The following CARMIL1 variants were observed in gnomAD, a reference collection of about 807,000 sequenced individuals.
CARMIL1 encodes the protein capping protein regulator and myosin 1 linker 1.
A neutral mutation model predicts 177.1 loss-of-function variants in CARMIL1; 90 were observed. That is an observed-to-expected ratio of 0.51 (90% CI 0.43 to 0.61). The LOEUF (loss-of-function observed/expected upper bound fraction) is 0.61. Among genes scored for constraint, CARMIL1 ranks in the 20% least tolerant of loss-of-function variants. The probability of loss-of-function intolerance (pLI) is 0.00; values close to 1 mark genes in which losing one functional copy is unlikely to be tolerated. For synonymous variants in CARMIL1, 577 were observed against 606.2 expected (o/e 0.95, Z 0.71); for missense variants, 1,380 against 1,667.0 (o/e 0.83, Z 3.00).
chr6:25,506,560 AAAAG>A (rs1804937205), intron 17 of CARMIL1, among the ~76,000 whole-genome samples: 2 of 145,852 alleles, frequency 1.4e-5, no homozygotes, highest in South Asian at 4.4e-4. Flanking sequence ...AAACAAACAA[AAAAG>A]AAAGAAAACA....
chr6:25,342,466 T>C (rs991187772), intron 2 of CARMIL1, among the ~76,000 whole-genome samples: 1 of 152,160 alleles, frequency 6.6e-6, no homozygotes, highest in Non-Finnish European at 1.5e-5. Flanking sequence ...GATTTTGGGA[T>C]AGGCCTACCT....
intron 2 of CARMIL1, among the ~76,000 whole-genome samples, chr6:25,310,188 T>G (rs1783680384): frequency 6.6e-6 from 1 of 152,160 alleles, no homozygotes; most frequent in Non-Finnish European, 1.5e-5. Context: ...TGTGCTCAAG[T>G]CTCTGATCCC....
chr6:25,303,218 C>T (rs1783008910), intron 2 of CARMIL1, among the ~76,000 whole-genome samples: 1 of 151,868 alleles, frequency 6.6e-6, no homozygotes, highest in African/African-American at 2.4e-5. Flanking sequence ...CCATTTCTTC[C>T]ATGTGATAAA....
chr6:25,417,829 A>C (rs1795495979), intron 2 of CARMIL1, among the ~76,000 whole-genome samples: 1 of 152,234 alleles, frequency 6.6e-6, no homozygotes, highest in Non-Finnish European at 1.5e-5. Context: ...CAATTTACTC[A>C]TTTGAAAAAT....
chr6:25,488,533 C>T lies in CARMIL1; in HGVS notation c.1013C>T (p.Thr338Ile). ...SLSANPLTASTLVHLDLSGNV... is the reference protein window; with the variant it reads ...SLSANPLTASILVHLDLSGNV... The stretch of plus-strand genomic sequence containing the variant: ...AGTGCCAATCCATTGACCGCCTCTA[C>T]CCTTGTCCACCTCGACCTCTCAGGG... Residue 338 changes from threonine (T) to isoleucine (I), a missense_variant, in exon 13 of 37, where the codon ACC becomes ATC. Transcript: ENST00000329474. 6.2e-7 allele frequency: 1 copy of T among 1,614,002 alleles called. No individual in the cohort carries two copies. The highest frequency in any genetic ancestry group is 8.5e-7 in the Non-Finnish European group (1 of 1,179,872).
chr6:25,372,340 G>A (rs1278214615), intron 2 of CARMIL1, among the ~76,000 whole-genome samples: 2 of 151,970 alleles, frequency 1.3e-5, no homozygotes, highest in African/African-American at 2.4e-5. Flanking sequence ...TGGGTAGTAT[G>A]GCCATTTTCA....
intron 35 of CARMIL1, among the ~76,000 whole-genome samples, chr6:25,609,062 A>G (rs529151918): frequency 4.6e-5 from 7 of 152,298 alleles, no homozygotes; most frequent in Non-Finnish European, 5.9e-5. Flanking sequence ...GTTGGGCTGC[A>G]TTCAAATCCA....
Position 25,280,999 on chromosome 6 carries a change from G to C in CARMIL1, c.40+1164G>C, listed in dbSNP as rs370910677. ...TCCGTTGGTGACTGTTAACTCAGCAGGTAAAACTTGATGTAGAGAGGCTGT... is the reference window on the plus strand; with the variant it reads ...TCCGTTGGTGACTGTTAACTCAGCACGTAAAACTTGATGTAGAGAGGCTGT... On this transcript the variant is annotated intron_variant, in intron 1 of 36. Coordinates refer to ENST00000329474, the MANE Select transcript of CARMIL1 (RefSeq NM_017640.6). 1.2e-3 allele frequency among the ~76,000 whole-genome samples: 185 copies of C among 152,188 alleles called. 1 individual carries two copies. The highest frequency in any genetic ancestry group is 0.01 in the Middle Eastern group (3 of 294).
chr6:25,481,466 A>G (rs1013373407), intron 11 of CARMIL1, among the ~76,000 whole-genome samples: 1 of 152,230 alleles, frequency 6.6e-6, no homozygotes, highest in African/African-American at 2.4e-5. Flanking sequence ...GTCTAAGGGA[A>G]CAGGAATTAA....
intron 11 of CARMIL1, among the ~76,000 whole-genome samples, chr6:25,480,263 A>G (rs957525144): frequency 1.3e-5 from 2 of 152,104 alleles, no homozygotes; most frequent in Non-Finnish European, 2.9e-5. Context: ...AGTGTGTTAG[A>G]AAACTTCCAT....
intron 2 of CARMIL1, among the ~76,000 whole-genome samples, chr6:25,393,108 G>T (rs1356522609): frequency 1.3e-5 from 2 of 151,814 alleles, no homozygotes; most frequent in Non-Finnish European, 2.9e-5. Flanking sequence ...ACTCTGTTCA[G>T]ATCTCCACAA....
chr6:25,356,762 T>C (rs1052467758), intron 2 of CARMIL1, among the ~76,000 whole-genome samples: 3 of 152,018 alleles, frequency 2.0e-5, no homozygotes, highest in South Asian at 2.1e-4. Flanking sequence ...GCTGCTAGAG[T>C]CTTGTATGGT....
intron 4 of CARMIL1, among the ~76,000 whole-genome samples, chr6:25,432,593 T>C (rs1796890368): frequency 6.6e-6 from 1 of 152,250 alleles, no homozygotes; most frequent in East Asian, 1.9e-4. Flanking sequence ...TTATACAGTT[T>C]TATAGTTATA....
Position 25,308,312 on chromosome 6 carries a change from G to C in CARMIL1, c.138+23403G>C, listed in dbSNP as rs189471321. 4.3e-3 allele frequency among the ~76,000 whole-genome samples: 646 copies of C among 151,782 alleles called. 4 individuals are homozygous for C. The highest frequency in any genetic ancestry group is 0.014 in the African/African-American group (594 of 41,374). On this transcript the variant is annotated intron_variant, in intron 2 of 36. Transcript: ENST00000329474. ...TCCAACAACACCCCTTTGTCACTGT[G>C]CCTGAGAAAGCTCTTATTAATAGAA...
chr6:25,476,313 C>T (rs1055897237), intron 11 of CARMIL1, among the ~76,000 whole-genome samples: 1 of 152,176 alleles, frequency 6.6e-6, no homozygotes, highest in Non-Finnish European at 1.5e-5. Context: ...CAAGGATAGC[C>T]TTGAATGCTC....
chr6:25,293,188 A>G (rs1315952485), intron 2 of CARMIL1, among the ~76,000 whole-genome samples: 2 of 144,866 alleles, frequency 1.4e-5, no homozygotes, highest in Admixed American at 7.0e-5. Flanking sequence ...TGTTTTATTT[A>G]TTTTTTTCCC....
chr6:25,594,683 G>A (rs1353899452), intron 32 of CARMIL1, among the ~76,000 whole-genome samples, 156 bp downstream of exon 32: 5 of 152,142 alleles, frequency 3.3e-5, no homozygotes, highest in African/African-American at 7.2e-5. Flanking sequence ...CAATACCAGT[G>A]TCAACTGGGA....
At chr6:25,392,054 ATGTGTGTGTGTGTGTGTGTGTGTGTGTG>A (rs36076582) in intron 2 of CARMIL1, among the ~76,000 whole-genome samples, 19 of 139,360 alleles carry the variant, frequency 1.4e-4, no homozygotes, top group Non-Finnish European at 2.5e-4. Flanking sequence ...GTGTATATGC[ATGTGTGTGTGTGTGTGTGTGTGTGTGTG>A]TGTGTGTGTG....
At chr6:25,309,753 G>T (rs1398426272) in intron 2 of CARMIL1, among the ~76,000 whole-genome samples, 2 of 144,968 alleles carry the variant, frequency 1.4e-5, no homozygotes, top group African/African-American at 5.2e-5. Flanking sequence ...TCCACTGTAT[G>T]AATATACCAC....
Sources: allele counts gnomAD v4.1 joint callset (sites outside exome capture counted in the v4.1 genomes callset), GRCh38; gene constraint gnomAD v4.1.1; transcripts MANE v1.5; gene names NCBI Gene and HGNC (gene_info 2026-07-23, HGNC 2026-07-21).